The following GNAQ variants were observed in gnomAD, a reference collection of about 807,000 sequenced individuals.
GNAQ encodes the protein guanine nucleotide-binding protein G(q) subunit alpha.
Under a neutral mutation model 43.9 loss-of-function variants are expected in GNAQ, and 8 were observed. The ratio of observed to expected loss-of-function variants is 0.18; its 90% CI spans 0.11 to 0.33. GNAQ has a LOEUF of 0.33. Ranked by LOEUF, GNAQ falls within the 10% of genes least tolerant of loss-of-function variation. The pLI is 1.00. For missense variants in GNAQ, 158 were observed against 450.8 expected, an observed-to-expected ratio of 0.35 and a Z score of 5.88; for synonymous variants, 155 against 170.7, an observed-to-expected ratio of 0.91 and a Z score of 0.71.
At chr9:77,763,129 C>A (rs564825630) in intron 5 of GNAQ, among the ~76,000 whole-genome samples, 4 of 119,346 alleles carry the variant, frequency 3.4e-5, no homozygotes, top group African/African-American at 6.8e-5. Flanking sequence ...AAAAAATAAA[C>A]AAACAAACAA....
chr9:77,939,725 G>A (rs758518032), intron 1 of GNAQ, among the ~76,000 whole-genome samples: 9 of 152,150 alleles, frequency 5.9e-5, no homozygotes, highest in Non-Finnish European at 1.0e-4. Flanking sequence ...TAATTATTCT[G>A]TCCAACAAGA....
At chr9:77,883,847 G>A (rs1828258497) in intron 2 of GNAQ, among the ~76,000 whole-genome samples, 1 of 152,150 alleles carries the variant, frequency 6.6e-6, no homozygotes, top group South Asian at 2.1e-4. Flanking sequence ...TCTGTTCCCT[G>A]TTCATTGCCC....
At chr9:78,024,458 G>C (rs1823951788) in intron 1 of GNAQ, among the ~76,000 whole-genome samples, 1 of 152,146 alleles carries the variant, frequency 6.6e-6, no homozygotes, top group Admixed American at 6.5e-5. Context: ...CAGGAATTGC[G>C]ATAAAGATAC....
chr9:77,963,547 A>G, intron 1 of GNAQ, among the ~76,000 whole-genome samples: 1 of 152,208 alleles, frequency 6.6e-6, no homozygotes, highest in East Asian at 1.9e-4. Context: ...CTGAAAAAAA[A>G]GCACAATCAA....
At chr9:77,770,317 G>C (rs1441088199) in intron 5 of GNAQ, among the ~76,000 whole-genome samples, 3 of 152,116 alleles carry the variant, frequency 2.0e-5, no homozygotes, top group African/African-American at 7.2e-5. Context: ...ATTAGATGCT[G>C]GTTAGTTTAT....
intron 2 of GNAQ, among the ~76,000 whole-genome samples, chr9:77,888,203 TTAAAA>T (rs1828342610): frequency 6.6e-6 from 1 of 152,118 alleles, no homozygotes; most frequent in Non-Finnish European, 1.5e-5. Flanking sequence ...TCAATAGACA[TTAAAA>T]TAAAATAAAT....
intron 2 of GNAQ, among the ~76,000 whole-genome samples, chr9:77,821,497 T>C (rs1225284595): frequency 6.6e-6 from 1 of 152,178 alleles, no homozygotes. Flanking sequence ...TTGTCTGTAA[T>C]GTCATAATTA....
chr9:77,914,658 G>A (rs1041883272), intron 2 of GNAQ, among the ~76,000 whole-genome samples: 8 of 151,376 alleles, frequency 5.3e-5, no homozygotes, highest in Non-Finnish European at 1.2e-4. Flanking sequence ...GCAAAACTCC[G>A]TCTCAAAACA....
intron 1 of GNAQ, among the ~76,000 whole-genome samples, chr9:77,966,380 A>G (rs185520030): frequency 3.9e-5 from 6 of 152,354 alleles, no homozygotes; most frequent in South Asian, 2.1e-4. Context: ...TATAAGAGAC[A>G]ATGTAAATTC....
chr9:77,867,767 T>G (rs547022682), intron 2 of GNAQ, among the ~76,000 whole-genome samples: 1 of 152,150 alleles, frequency 6.6e-6, no homozygotes. Flanking sequence ...AGAAGTGAGG[T>G]TGCACACCAT....
rs977404842 is a variant in GNAQ, at chr9:77,716,786, G to A, written c.*4537C>T. On this transcript the variant is annotated 3_prime_UTR_variant, in exon 7 of 7. Coordinates refer to ENST00000286548, the MANE Select transcript of GNAQ (RefSeq NM_002072.5). ...TTGCTATATTGGGTTGGAATCATAC[G>A]GGGAAATGGAGGACACAGGGTAGAT... 6.9e-5 allele frequency: 16 copies of A among 232,666 alleles called. No homozygotes were observed. Among genetic ancestry groups the A allele is most frequent in the Admixed American group, 3.9e-4 (7 of 17,750 alleles). 14.4% of individuals were successfully genotyped at this position (232,666 alleles called of 1,614,324 possible). A position where few individuals can be genotyped will look rare whatever the true frequency, so the allele number is the denominator to read the frequency against.
At chr9:78,012,412 T>C (rs140081997) in intron 1 of GNAQ, among the ~76,000 whole-genome samples, 94 of 152,092 alleles carry the variant, frequency 6.2e-4, no homozygotes, top group South Asian at 1.0e-3. Context: ...TTTCACCATG[T>C]TGGCCAGGTT....
At chr9:77,804,459 G>C (rs1826793125) in intron 3 of GNAQ, among the ~76,000 whole-genome samples, 1 of 152,162 alleles carries the variant, frequency 6.6e-6, no homozygotes, top group African/African-American at 2.4e-5. Flanking sequence ...TTGAACCCAG[G>C]AGTTTCAGGG....
chr9:78,030,939 C>G (rs893095132), intron 1 of GNAQ, among the ~76,000 whole-genome samples, 161 bp downstream of exon 1: 11 of 150,982 alleles, frequency 7.3e-5, no homozygotes, highest in Non-Finnish European at 1.6e-4. Context: ...AACGCGCCCG[C>G]GCGCCCGCGC....
At chr9:77,853,800 A>AAAAC (rs1554720789) in intron 2 of GNAQ, among the ~76,000 whole-genome samples, 3 of 146,094 alleles carry the variant, frequency 2.1e-5, no homozygotes, top group Non-Finnish European at 4.5e-5. Flanking sequence ...AAAAAAAAAA[A>AAAAC]CCCACAGGCA....
intron 1 of GNAQ, among the ~76,000 whole-genome samples, chr9:77,996,284 C>T (rs1381420248): frequency 6.6e-6 from 1 of 152,188 alleles, no homozygotes; most frequent in Admixed American, 6.5e-5. Flanking sequence ...AAGTTTAAAA[C>T]TTGATGGGAG....
Position 77,720,605 on chromosome 9 carries a change from A to G in GNAQ, c.*718T>C, listed in dbSNP as rs887548109. On this transcript the variant is annotated 3_prime_UTR_variant, in exon 7 of 7. Coordinates refer to ENST00000286548, the MANE Select transcript of GNAQ (RefSeq NM_002072.5). The stretch of plus-strand genomic sequence containing the variant: ...GTGTGTCTTTGATCCTGCCTTCTGC[A>G]TATTTCTCTGAGCAATCAAGCTATG... 8.6e-6 allele frequency: 2 copies of G among 233,262 alleles called. No individual in the cohort carries two copies. Among genetic ancestry groups the G allele is most frequent in the Non-Finnish European group, 8.5e-6 (1 of 117,982 alleles). The allele number at this position is 233,262 out of a possible 1,614,324, so 14.4% of individuals were successfully genotyped here.
intron 1 of GNAQ, among the ~76,000 whole-genome samples, chr9:77,967,695 G>T (rs1354599903): frequency 1.3e-5 from 2 of 152,050 alleles, no homozygotes; most frequent in Non-Finnish European, 2.9e-5. Context: ...AAATGTTCAG[G>T]TCTGCTGGGC....
At chr9:77,825,428 GC>G (rs2118536389) in intron 2 of GNAQ, among the ~76,000 whole-genome samples, 1 of 152,226 alleles carries the variant, frequency 6.6e-6, no homozygotes, top group East Asian at 1.9e-4. Flanking sequence ...GGACCTGGCA[GC>G]CTACACGCCA....
Sources: gnomAD v4.1 joint callset for allele counts (sites outside exome capture counted in the v4.1 genomes callset) on GRCh38, gnomAD v4.1.1 for gene constraint, MANE v1.5 for transcripts, NCBI Gene and HGNC (gene_info 2026-07-23, HGNC 2026-07-21) for gene names.